ARHGAP18: variants seen among roughly 807,000 people sequenced by gnomAD.
ARHGAP18 encodes rho GTPase-activating protein 18.
In ARHGAP18, 67 loss-of-function variants were observed where a neutral mutation model predicts 86.2. The ratio of observed to expected loss-of-function variants is 0.78; its 90% CI spans 0.64 to 0.95. The LOEUF is 0.95. Ranked by LOEUF, ARHGAP18 falls within the 40% of genes least tolerant of loss-of-function variation. The pLI is 0.00. For synonymous variants in ARHGAP18, 283 were observed against 280.4 expected, an observed-to-expected ratio of 1.01 and a Z score of -0.09; for missense variants, 691 against 780.4, an observed-to-expected ratio of 0.89 and a Z score of 1.37.
intron 1 of ARHGAP18, 151 bp from the exon 2 acceptor site, chr6:129,642,169 A>G (rs925894377): frequency 7.5e-6 from 5 of 670,734 alleles, no homozygotes; most frequent in Non-Finnish European, 1.2e-5. Context: ...ACAGTTTACT[A>G]TGGATTATAA....
intron 1 of ARHGAP18, among the ~76,000 whole-genome samples, chr6:129,692,790 A>C (rs1774549745): frequency 6.6e-6 from 1 of 152,206 alleles, no homozygotes; most frequent in Non-Finnish European, 1.5e-5. Context: ...CTTTCAAATT[A>C]CTTCGCCTAA....
At chr6:129,641,786 C>A (rs56101591) in intron 2 of ARHGAP18, 30 bp downstream of exon 2, 108,175 of 1,579,198 alleles carry the variant, frequency 0.069, 4,257 homozygotes, top group African/African-American at 0.15. Context: ...CATATACAAA[C>A]AACAAAAGCT....
intron 5 of ARHGAP18, among the ~76,000 whole-genome samples, chr6:129,626,824 G>A (rs1439938813): frequency 6.6e-6 from 1 of 152,066 alleles, no homozygotes; most frequent in Non-Finnish European, 1.5e-5. Context: ...ATGCAATTAT[G>A]TGATATTCTA....
intron 1 of ARHGAP18, among the ~76,000 whole-genome samples, chr6:129,679,848 A>T (rs1482934494): frequency 6.6e-6 from 1 of 152,224 alleles, no homozygotes; most frequent in Non-Finnish European, 1.5e-5. Context: ...CTAGAAATTT[A>T]AAAGCAGGAT....
rs140295572 is a variant in ARHGAP18 at position 129,697,242 on chromosome 6, C to T, written c.113+12782G>A. ...AAGGTGTACATGAAGAAGGCTCTGA[C>T]GACCCCATCTTGCATGATAAAGCCC... On this transcript the variant is annotated intron_variant, in intron 1 of 14. Coordinates refer to ENST00000368149, the MANE Select transcript of ARHGAP18 (RefSeq NM_033515.3). Among the ~76,000 whole-genome samples the T allele has an allele frequency of 3.9e-3, 591 of 152,286 alleles. 4 individuals carry two copies. The highest frequency in any genetic ancestry group is 0.013 in the African/African-American group (554 of 41,554).
At chr6:129,601,932 G>T (rs2114450132) in intron 10 of ARHGAP18, among the ~76,000 whole-genome samples, 1 of 152,168 alleles carries the variant, frequency 6.6e-6, no homozygotes, top group South Asian at 2.1e-4. Flanking sequence ...ACCCAGCTGA[G>T]AATTTTTTTT....
intron 1 of ARHGAP18, among the ~76,000 whole-genome samples, chr6:129,668,426 T>C (rs1287976137): frequency 6.8e-6 from 1 of 146,878 alleles, no homozygotes; most frequent in Non-Finnish European, 1.5e-5. Flanking sequence ...AAAAACAGTC[T>C]ATGGACTCAG....
At chr6:129,701,544 G>A (rs781345330) in intron 1 of ARHGAP18, among the ~76,000 whole-genome samples, 28 of 152,192 alleles carry the variant, frequency 1.8e-4, no homozygotes, top group Non-Finnish European at 4.4e-5. Context: ...GGCTGAGGTG[G>A]GCAGATCGTG....
intron 1 of ARHGAP18, among the ~76,000 whole-genome samples, chr6:129,689,269 T>C (rs1332776066): frequency 6.6e-6 from 1 of 152,136 alleles, no homozygotes; most frequent in African/African-American, 2.4e-5. Flanking sequence ...CAGCATGTAT[T>C]ATTTTTTTGG....
intron 1 of ARHGAP18, among the ~76,000 whole-genome samples, chr6:129,664,059 C>T (rs1177765190): frequency 6.6e-6 from 1 of 152,256 alleles, no homozygotes; most frequent in Non-Finnish European, 1.5e-5. Flanking sequence ...ACAGCCCCCA[C>T]CAATCCCATC....
rs10688716 is a variant in ARHGAP18, at chr6:129,676,915, C to CTTT, written c.113+33106_113+33108dup. On this transcript the variant is annotated intron_variant, in intron 1 of 14. Transcript: ENST00000368149. ...AAACAGATGAAAAATTTTTTGTCCT[C>CTTT]TTTTTTTTTTTTTTTTTTTTTTTTT... Among the ~76,000 whole-genome samples, 158 of 37,940 alleles carry CTTT rather than the reference C, an allele frequency of 4.2e-3. 1 individual carries two copies. Among genetic ancestry groups the CTTT allele is most frequent in the East Asian group, 0.017 (21 of 1,216 alleles). 24.9% of individuals were successfully genotyped at this position (37,940 alleles called of 152,430 possible). A position where few individuals can be genotyped will look rare whatever the true frequency, so the allele number is the denominator to read the frequency against.
intron 1 of ARHGAP18, among the ~76,000 whole-genome samples, chr6:129,661,022 A>T (rs755554645): frequency 6.3e-4 from 45 of 71,172 alleles, no homozygotes; most frequent in African/African-American, 1.0e-3. Context: ...CAAAACCTTT[A>T]AAAAAAAAAA....
At chr6:129,584,230 C>A (rs1323255415) in intron 12 of ARHGAP18, 118 bp from the exon 13 acceptor site, 5 of 1,384,854 alleles carry the variant, frequency 3.6e-6, no homozygotes, top group Non-Finnish European at 4.8e-6. Context: ...TACATAAAAA[C>A]CTTAACTACT....
chr6:129,579,820 G>A (rs897262295), intron 14 of ARHGAP18, among the ~76,000 whole-genome samples: 6 of 152,130 alleles, frequency 3.9e-5, no homozygotes, highest in African/African-American at 1.4e-4. Context: ...AACCATTCCA[G>A]GAGTTATTCT....
intron 7 of ARHGAP18, among the ~76,000 whole-genome samples, chr6:129,612,658 G>A (rs761383645): frequency 1.7e-4 from 26 of 152,150 alleles, no homozygotes; most frequent in Non-Finnish European, 3.2e-4. Context: ...GCACATAAAA[G>A]TGTCTGTTAG....
chr6:129,673,067 A>T (rs1200317497), intron 1 of ARHGAP18, among the ~76,000 whole-genome samples: 2 of 152,196 alleles, frequency 1.3e-5, no homozygotes, highest in Non-Finnish European at 2.9e-5. Flanking sequence ...TGAATACACC[A>T]ATGACTCATT....
intron 5 of ARHGAP18, among the ~76,000 whole-genome samples, chr6:129,626,999 C>A (rs1249618652): frequency 1.3e-5 from 2 of 152,006 alleles, no homozygotes; most frequent in Non-Finnish European, 2.9e-5. Context: ...TTCTACTAAA[C>A]GGAATCAGAG....
chr6:129,620,317 A>C (rs538321840), intron 5 of ARHGAP18, among the ~76,000 whole-genome samples: 1 of 152,336 alleles, frequency 6.6e-6, no homozygotes, highest in African/African-American at 2.4e-5. Context: ...GCCAGTGCTC[A>C]AAAAGGTTCT....
At chr6:129,647,946 C>T (rs1217410715) in intron 1 of ARHGAP18, among the ~76,000 whole-genome samples, 1 of 152,068 alleles carries the variant, frequency 6.6e-6, no homozygotes, top group Non-Finnish European at 1.5e-5. Flanking sequence ...ATATGTCAAA[C>T]AGACTAAAAA....
Sources: allele counts gnomAD v4.1 joint callset (sites outside exome capture counted in the v4.1 genomes callset), GRCh38; gene constraint gnomAD v4.1.1; transcripts MANE v1.5; gene names NCBI Gene and HGNC (gene_info 2026-07-23, HGNC 2026-07-21).